RAB8B: variants seen among roughly 807,000 people sequenced by gnomAD.
RAB8B encodes ras-related protein Rab-8B.
A neutral mutation model predicts 32.0 loss-of-function variants in RAB8B; 11 were observed. That is an observed-to-expected ratio of 0.34 (90% CI 0.22 to 0.57). RAB8B has a LOEUF of 0.57. Ranked by LOEUF, RAB8B falls within the 20% of genes least tolerant of loss-of-function variation. RAB8B has a pLI of 0.86. For missense variants in RAB8B, 190 were observed against 258.5 expected (o/e 0.73, Z 1.82); for synonymous variants, 103 against 89.6 (o/e 1.15, Z -0.85).
chr15:63,230,864 T>TTTTAA (rs912492871), intron 1 of RAB8B, among the ~76,000 whole-genome samples: 3 of 152,074 alleles, frequency 2.0e-5, no homozygotes, highest in Admixed American at 6.5e-5. Flanking sequence ...CCCAGCTAAT[T>TTTTAA]TTTAATTTAA....
Position 63,221,512 on chromosome 15 carries a change from A to G in RAB8B, c.125-23244A>G, listed in dbSNP as rs191142690. ...GGCAACATCGCTGACTCAGTGACAA[A>G]CTTCCTTTTTGGAAGTCCTGGCTCC... On this transcript the variant is annotated intron_variant, in intron 1 of 7. Transcript: ENST00000321437. Among the ~76,000 whole-genome samples, 5 of 152,234 alleles carry G rather than the reference A, an allele frequency of 3.3e-5. No homozygotes were observed. The East Asian group carries it at 9.6e-4, about 29-fold the overall frequency.
chr15:63,208,668 C>T (rs542295555), intron 1 of RAB8B, among the ~76,000 whole-genome samples: 3 of 152,262 alleles, frequency 2.0e-5, no homozygotes, highest in South Asian at 2.1e-4. Context: ...CACCTCATTT[C>T]GGCCTGTTGA....
chr15:63,259,821 G>T lies in RAB8B; in HGVS notation c.480+129G>T. ...CCTTTTGTTGACCCAACTCTACTTT[G>T]TACACTTTTGTGCTTCTGATTTTTT... On this transcript the variant is annotated intron_variant, in intron 6 of 7. Transcript: ENST00000321437. The surrounding 1 kb of genome is among the most constrained non-coding windows in gnomAD (Gnocchi z 4.4). 2.6e-6 allele frequency: 2 copies of T among 761,780 alleles called. No homozygotes were observed. Among genetic ancestry groups the T allele is most frequent in the South Asian group, 1.8e-5 (1 of 56,662 alleles). 47.2% of individuals were successfully genotyped at this position (761,780 alleles called of 1,614,324 possible).
chr15:63,238,207 G>T (rs2037999420), intron 1 of RAB8B, among the ~76,000 whole-genome samples: 1 of 151,576 alleles, frequency 6.6e-6, no homozygotes, highest in African/African-American at 2.4e-5. Flanking sequence ...TATGTTTTTT[G>T]AGATTGTATA....
At position 63,211,898 on chromosome 15, in the gene RAB8B, C is replaced by G. The variant is rs918251255; in HGVS notation, c.124+22150C>G. On this transcript the variant is annotated intron_variant, in intron 1 of 7. Transcript: ENST00000321437. ...TTAGGCTGGAGTGCAGTGGCGCAAT[C>G]ATGGCTCACTGCAGCCTCAACTTCC... 2.0e-5 allele frequency among the ~76,000 whole-genome samples: 3 copies of G among 152,140 alleles called. No homozygotes were observed. In the South Asian group the frequency reaches 6.2e-4, roughly 32 times the overall value.
intron 5 of RAB8B, 94 bp downstream of exon 5, chr15:63,256,688 T>A: frequency 1.1e-6 from 1 of 918,862 alleles, no homozygotes; most frequent in Non-Finnish European, 1.6e-6. Flanking sequence ...TTTTAAAATC[T>A]GTGTTTTAAT....
intron 2 of RAB8B, 85 bp from the exon 3 acceptor site, chr15:63,249,559 TA>T: frequency 7.8e-7 from 1 of 1,285,108 alleles, no homozygotes; most frequent in South Asian, 1.2e-5. Flanking sequence ...CTGAGCAGAC[TA>T]GAATTACATC....
At chr15:63,241,315 C>T (rs2038030148) in intron 1 of RAB8B, among the ~76,000 whole-genome samples, 1 of 152,210 alleles carries the variant, frequency 6.6e-6, no homozygotes, top group Non-Finnish European at 1.5e-5. Context: ...CGCCACTGCA[C>T]TCCAGCCTGC....
intron 3 of RAB8B, among the ~76,000 whole-genome samples, chr15:63,255,291 A>T (rs1370557709): frequency 6.6e-6 from 1 of 152,210 alleles, no homozygotes; most frequent in East Asian, 1.9e-4. Flanking sequence ...GTTAACAGTG[A>T]AAATGTTAAA....
rs2038239537 is a variant in RAB8B, at chr15:63,265,531, A to G, written c.*1912A>G. The G allele has an allele frequency of 6.6e-6, 1 of 152,612 alleles. No homozygotes were observed. Among genetic ancestry groups the G allele is most frequent in the African/African-American group, 2.4e-5 (1 of 41,446 alleles). 9.5% of individuals were successfully genotyped at this position (152,612 alleles called of 1,614,324 possible). A position where few individuals can be genotyped will look rare whatever the true frequency, so the allele number is the denominator to read the frequency against. On this transcript the variant is annotated 3_prime_UTR_variant, in exon 8 of 8. Transcript: ENST00000321437. The surrounding 1 kb of genome is among the most constrained non-coding windows in gnomAD (Gnocchi z 4.9). ...AAAGATAATTTTTTAGAAACATCTT[A>G]ATATTCACTATTTCCTGAAAAAATC... is the stretch of plus-strand genomic sequence containing the variant.
intron 1 of RAB8B, among the ~76,000 whole-genome samples, chr15:63,199,480 T>A (rs1345996990): frequency 1.3e-5 from 2 of 152,204 alleles, no homozygotes; most frequent in African/African-American, 4.8e-5. Flanking sequence ...CTACATCATT[T>A]TGAAAATTTC....
At chr15:63,209,676 A>G (rs2037731412) in intron 1 of RAB8B, among the ~76,000 whole-genome samples, 1 of 152,106 alleles carries the variant, frequency 6.6e-6, no homozygotes, top group African/African-American at 2.4e-5. Flanking sequence ...CCAGTTTAGA[A>G]CTTTTTTTCT....
intron 5 of RAB8B, 21 bp downstream of exon 5, chr15:63,256,615 T>C: frequency 2.0e-6 from 3 of 1,519,570 alleles, no homozygotes; most frequent in Non-Finnish European, 2.7e-6. Flanking sequence ...ATGGAATGGA[T>C]AAAGGTTGGA....
chr15:63,245,377 A>G (rs946335330), intron 2 of RAB8B, among the ~76,000 whole-genome samples: 2 of 152,242 alleles, frequency 1.3e-5, no homozygotes, highest in Non-Finnish European at 2.9e-5. Flanking sequence ...GAGAAAAAAA[A>G]TCATGTCATA....
At chr15:63,234,363 T>C (rs9806771) in intron 1 of RAB8B, among the ~76,000 whole-genome samples, 195 of 152,322 alleles carry the variant, frequency 1.3e-3, no homozygotes, top group Non-Finnish European at 2.2e-3. Flanking sequence ...GATTATGTTA[T>C]TAATATCTGT....
At position 63,263,756 on chromosome 15, in the gene RAB8B, T is replaced by A. The variant is rs377151242; in HGVS notation, c.*137T>A. 4.6e-5 allele frequency: 28 copies of A among 602,412 alleles called. No individual in the cohort carries two copies. The highest frequency in any genetic ancestry group is 1.7e-4 in the East Asian group (6 of 35,124). The allele number at this position is 602,412 out of a possible 1,614,324, so 37.3% of individuals were successfully genotyped here. ...ACTGAACTTAGACCTCTCAACACAG[T>A]ATGCCAAGTGGATTCCAGCCTCATG... On this transcript the variant is annotated 3_prime_UTR_variant, in exon 8 of 8. Coordinates refer to ENST00000321437, the MANE Select transcript of RAB8B (RefSeq NM_016530.3).
intron 1 of RAB8B, among the ~76,000 whole-genome samples, chr15:63,202,552 G>A (rs1312803544): frequency 2.0e-5 from 3 of 152,132 alleles, no homozygotes; most frequent in Non-Finnish European, 2.9e-5. Flanking sequence ...TGACTCTTTC[G>A]TGAAAAGGAA....
intron 1 of RAB8B, among the ~76,000 whole-genome samples, chr15:63,203,642 C>A (rs2037671087): frequency 6.6e-6 from 1 of 152,158 alleles, no homozygotes; most frequent in Admixed American, 6.5e-5. Flanking sequence ...TACTGTATAC[C>A]AAATTCTAGG....
intron 2 of RAB8B, among the ~76,000 whole-genome samples, chr15:63,245,059 T>G (rs1468498724): frequency 6.6e-6 from 1 of 152,244 alleles, no homozygotes; most frequent in Non-Finnish European, 1.5e-5. Context: ...TTTCCAAAAC[T>G]ATAATTTTTG....
Sources: gnomAD v4.1 joint callset for allele counts (sites outside exome capture counted in the v4.1 genomes callset) on GRCh38, gnomAD v4.1.1 for gene constraint, Gnocchi (gnomAD v3.1) non-coding constraint, MANE v1.5 for transcripts, NCBI Gene and HGNC (gene_info 2026-07-23, HGNC 2026-07-21) for gene names.